Variants in CYTH4 observed in about 807,000 individuals in gnomAD.
The protein encoded by CYTH4 is cytohesin 4.
Under a neutral mutation model 57.5 loss-of-function variants are expected in CYTH4, and 22 were observed. The observed-to-expected ratio is 0.38, with a 90% CI of 0.27 to 0.55. CYTH4 has a LOEUF of 0.55. Ranked by LOEUF, CYTH4 falls within the 20% of genes least tolerant of loss-of-function variation. The probability of loss-of-function intolerance (pLI) is 0.74; values close to 1 mark genes in which losing one functional copy is unlikely to be tolerated. For synonymous variants in CYTH4, 186 were observed against 206.5 expected, an observed-to-expected ratio of 0.90 and a Z score of 0.85; for missense variants, 420 against 535.6, an observed-to-expected ratio of 0.78 and a Z score of 2.13.
At chr22:37,294,841 T>A in intron 3 of CYTH4, 117 bp downstream of exon 3, 2 of 1,268,556 alleles carry the variant, frequency 1.6e-6, no homozygotes, top group Non-Finnish European at 2.3e-6. Flanking sequence ...AATCAGGGAT[T>A]GGCCAGGGAG....
chr22:37,308,743 C>A (rs962679057), intron 8 of CYTH4, among the ~76,000 whole-genome samples: 2 of 147,584 alleles, frequency 1.4e-5, no homozygotes, highest in African/African-American at 5.0e-5. Context: ...AGTATGCATG[C>A]ATGTGTGTGC....
intron 5 of CYTH4, chr22:37,297,961 T>C (rs1341126776): frequency 3.7e-6 from 1 of 271,702 alleles, no homozygotes; most frequent in African/African-American, 2.2e-5. Flanking sequence ...CAGACAAAAC[T>C]CTTGTCCTCA....
chr22:37,299,597 CT>C (rs1929109555), intron 6 of CYTH4, among the ~76,000 whole-genome samples: 1 of 152,198 alleles, frequency 6.6e-6, no homozygotes, highest in South Asian at 2.1e-4. Context: ...CATTCTCCTA[CT>C]TTTTGGATTA....
rs879312111 is a variant in CYTH4, at chr22:37,295,934, T to C, written c.168-65T>C. ...TGGGCTCCTGCTGAGGCAAGGGTCC[T>C]TGGGGAGTGGAGAGGGTAATTCAGG... On this transcript the variant is annotated intron_variant, in intron 3 of 12. Transcript: ENST00000248901. The surrounding 1 kb of genome is among the most constrained non-coding windows in gnomAD (Gnocchi z 4.1). 33 of 1,541,594 alleles carry C rather than the reference T, an allele frequency of 2.1e-5. No individual in the cohort carries two copies. The East Asian group carries it at 7.6e-4, about 35-fold the overall frequency.
chr22:37,302,048 T>C (rs1402375199), intron 7 of CYTH4: 1 of 169,088 alleles, frequency 5.9e-6, no homozygotes, highest in Non-Finnish European at 1.5e-5. Flanking sequence ...AGTCTTCTTA[T>C]CCCTCCCTCA....
At chr22:37,308,053 C>T (rs977021078) in intron 8 of CYTH4, among the ~76,000 whole-genome samples, 3 of 133,366 alleles carry the variant, frequency 2.2e-5, no homozygotes, top group African/African-American at 9.3e-5. Context: ...CCCCAGACCC[C>T]ACCCCGGCCC....
At chr22:37,292,416 G>C in intron 1 of CYTH4, 2 of 561,806 alleles carry the variant, frequency 3.6e-6, no homozygotes, top group African/African-American at 3.8e-5. Flanking sequence ...TATCCAGGGG[G>C]GTGGGAGAAA....
intron 8 of CYTH4, among the ~76,000 whole-genome samples, chr22:37,306,859 A>C (rs1458719942): frequency 6.6e-6 from 1 of 152,196 alleles, no homozygotes; most frequent in Non-Finnish European, 1.5e-5. Flanking sequence ...TCCCAGGATT[A>C]ATGCTTATTG....
At chr22:37,304,099 G>T in intron 8 of CYTH4, 1 of 447,674 alleles carries the variant, frequency 2.2e-6, no homozygotes. Context: ...GGCTGTCATT[G>T]CTCTGGGGGC....
chr22:37,300,464 C>T (rs1409368636), intron 6 of CYTH4, among the ~76,000 whole-genome samples: 1 of 152,196 alleles, frequency 6.6e-6, no homozygotes, highest in African/African-American at 2.4e-5. Context: ...CCACCAACTT[C>T]CAGAGCTAGA....
Position 37,295,700 on chromosome 22 carries a change from C to T in CYTH4, c.168-299C>T, listed in dbSNP as rs1928935415. ...CAGCACCTGCGTGCTCAGCCCTCGC[C>T]CCCTCCCCCGGTTTCTTGCACAGGG... On this transcript the variant is annotated intron_variant, in intron 3 of 12. Transcript: ENST00000248901. This position sits in a 1 kb window ranked among gnomAD's most constrained non-coding sequence, Gnocchi z 4.1. Among the ~76,000 whole-genome samples, 1 of 152,210 alleles carries T rather than the reference C, an allele frequency of 6.6e-6. No individual in the cohort carries two copies. Among genetic ancestry groups the T allele is most frequent in the African/African-American group, 2.4e-5 (1 of 41,462 alleles).
chr22:37,310,847 T>TG (rs2145871608), intron 9 of CYTH4, 141 bp from the exon 10 acceptor site: 2 of 747,712 alleles, frequency 2.7e-6, no homozygotes, highest in African/African-American at 1.7e-5. Flanking sequence ...GGATAGATGT[T>TG]GGGGGGAGGT....
intron 1 of CYTH4, among the ~76,000 whole-genome samples, chr22:37,290,731 A>C (rs1601697778): frequency 6.6e-6 from 1 of 152,122 alleles, no homozygotes; most frequent in East Asian, 1.9e-4. Flanking sequence ...GATGGTCTCG[A>C]TCTCCTGACC....
chr22:37,292,763 C>T, intron 2 of CYTH4, 60 bp downstream of exon 2: 1 of 1,551,116 alleles, frequency 6.4e-7, no homozygotes, highest in Non-Finnish European at 8.8e-7. Flanking sequence ...CGCTTGTACG[C>T]ACCCCACCAG....
intron 1 of CYTH4, among the ~76,000 whole-genome samples, chr22:37,287,733 A>C (rs1364234819): frequency 6.6e-6 from 1 of 152,218 alleles, no homozygotes; most frequent in Non-Finnish European, 1.5e-5. Flanking sequence ...ACAAGGGTGC[A>C]GTTCCCAGCA....
At chr22:37,289,454 T>A (rs1044135809) in intron 1 of CYTH4, among the ~76,000 whole-genome samples, 2 of 152,222 alleles carry the variant, frequency 1.3e-5, no homozygotes, top group Non-Finnish European at 2.9e-5. Flanking sequence ...GGTTTTCACT[T>A]GCGCCCAAAC....
Position 37,311,935 on chromosome 22 carries a change from A to C in CYTH4, c.958-85A>C. 1 of 1,519,358 alleles carries C rather than the reference A, an allele frequency of 6.6e-7. No individual in the cohort carries two copies. The highest frequency in any genetic ancestry group is 9.0e-7 in the Non-Finnish European group (1 of 1,116,710). 94.1% of individuals were successfully genotyped at this position (1,519,358 alleles called of 1,614,324 possible). ...TAGGGCTGTCACGCTGATCAGGGAC[A>C]CTAGCGTCTGGGCTTCTCTGAGCCT... On this transcript the variant is annotated intron_variant, in intron 11 of 12. Transcript: ENST00000248901. This position sits in a 1 kb window ranked among gnomAD's most constrained non-coding sequence, Gnocchi z 4.4.
In CYTH4 at chr22:37,296,037, G is replaced by A. The variant is rs567728312; in HGVS notation, c.206G>A (p.Arg69His). Residue 69 changes from arginine (R) to histidine (H), a missense_variant, in exon 4 of 13, where the codon CGC becomes CAC. By Grantham distance (29) the Arg-to-His change is conservative. Coordinates refer to ENST00000248901, the MANE Select transcript of CYTH4 (RefSeq NM_013385.5). ...AQKEKELCIG[R>H]KKFNMDPAKG... ...AAGGAGAAGGAGCTGTGTATTGGGCGCAAGAAGTTCAACATGGACCCCGCC... is the reference window on the plus strand; with the variant it reads ...AAGGAGAAGGAGCTGTGTATTGGGCACAAGAAGTTCAACATGGACCCCGCC... The A allele has an allele frequency of 1.4e-5, 22 of 1,612,976 alleles. 1 individual carries two copies. Among genetic ancestry groups the A allele is most frequent in the South Asian group, 4.4e-5 (4 of 90,802 alleles).
At chr22:37,290,258 C>T (rs1243940973) in intron 1 of CYTH4, among the ~76,000 whole-genome samples, 1 of 152,182 alleles carries the variant, frequency 6.6e-6, no homozygotes, top group African/African-American at 2.4e-5. Context: ...CTGATGTCAA[C>T]TTGGATCCTG....
Sources: gnomAD v4.1 joint callset for allele counts (sites outside exome capture counted in the v4.1 genomes callset) on GRCh38, gnomAD v4.1.1 for gene constraint, Gnocchi (gnomAD v3.1) non-coding constraint, MANE v1.5 for transcripts, NCBI Gene and HGNC (gene_info 2026-07-23, HGNC 2026-07-21) for gene names.